LAMA2: variants seen among roughly 807,000 people sequenced by gnomAD.
The protein encoded by LAMA2 is laminin subunit alpha-2.
LAMA2 carries 269 observed loss-of-function variants against 364.8 expected under a neutral mutation model. The observed-to-expected ratio is 0.74, with a 90% CI of 0.67 to 0.82. LAMA2 has a LOEUF of 0.82. Ranked by LOEUF, LAMA2 falls within the 40% of genes least tolerant of loss-of-function variation. LAMA2 has a pLI of 0.00. For missense variants in LAMA2, 3,807 were observed against 3,873.2 expected, an observed-to-expected ratio of 0.98 and a Z score of 0.45; for synonymous variants, 1,379 against 1,370.6, an observed-to-expected ratio of 1.01 and a Z score of -0.14.
At chr6:129,445,842 G>C (rs770754669) in intron 45 of LAMA2, 21 bp downstream of exon 45, 1 of 1,599,688 alleles carries the variant, frequency 6.3e-7, no homozygotes, top group Admixed American at 1.7e-5. Flanking sequence ...TTTATCGTCA[G>C]TATCAGTAAC....
At chr6:129,310,412 T>G (rs2114487706) in intron 22 of LAMA2, among the ~76,000 whole-genome samples, 1 of 152,252 alleles carries the variant, frequency 6.6e-6, no homozygotes, top group South Asian at 2.1e-4. Context: ...GCAGCCAGAC[T>G]TGGATCTAGG....
intron 1 of LAMA2, among the ~76,000 whole-genome samples, chr6:128,957,914 A>G (rs891927224): frequency 1.6e-5 from 2 of 125,910 alleles, no homozygotes; most frequent in Non-Finnish European, 3.1e-5. Flanking sequence ...GTATTTGACT[A>G]TCAAGAAGAG....
At chr6:129,475,241 G>A in intron 52 of LAMA2, 149 bp from the exon 53 acceptor site, 1 of 554,338 alleles carries the variant, frequency 1.8e-6, no homozygotes, top group East Asian at 2.9e-5. Flanking sequence ...AGTTCTATTG[G>A]GGCTTTTGCA....
chr6:128,914,214 C>T (rs545688513), intron 1 of LAMA2, among the ~76,000 whole-genome samples: 293 of 152,242 alleles, frequency 1.9e-3, no homozygotes, highest in African/African-American at 6.9e-3. Flanking sequence ...TCACAACTCC[C>T]AAAAACCAGC....
chr6:129,041,443 A>T (rs9492206), intron 1 of LAMA2, among the ~76,000 whole-genome samples: 1 of 152,050 alleles, frequency 6.6e-6, no homozygotes, highest in Non-Finnish European at 1.5e-5. Flanking sequence ...CTTTTTGCCC[A>T]GTTCCTCTGA....
chr6:129,156,324 ATC>A (rs2114979279), intron 8 of LAMA2, among the ~76,000 whole-genome samples: 1 of 152,122 alleles, frequency 6.6e-6, no homozygotes, highest in African/African-American at 2.4e-5. Context: ...AACATAGCAT[ATC>A]TCTCCATTTA....
At chr6:129,053,425 A>T (rs904588791) in intron 2 of LAMA2, among the ~76,000 whole-genome samples, 1 of 152,120 alleles carries the variant, frequency 6.6e-6, no homozygotes, top group African/African-American at 2.4e-5. Flanking sequence ...TGGGGAGTAT[A>T]GTTGCATACC....
intron 40 of LAMA2, among the ~76,000 whole-genome samples, chr6:129,411,050 C>T (rs1164172548): frequency 6.6e-6 from 1 of 152,152 alleles, no homozygotes; most frequent in East Asian, 1.9e-4. Flanking sequence ...GGGTGATGCA[C>T]AGCAATATTG....
chr6:129,051,382 A>G (rs761963431), intron 2 of LAMA2, among the ~76,000 whole-genome samples: 1 of 149,510 alleles, frequency 6.7e-6, no homozygotes, highest in East Asian at 2.0e-4. Context: ...GTGCGATCTC[A>G]GCTCACTGCA....
chr6:129,210,415 CA>C (rs1426764253), intron 12 of LAMA2, among the ~76,000 whole-genome samples: 1 of 152,130 alleles, frequency 6.6e-6, no homozygotes, highest in East Asian at 1.9e-4. Context: ...CACACACACA[CA>C]CACACCACAC....
chr6:129,305,503 T>G (rs1315907550), intron 22 of LAMA2, among the ~76,000 whole-genome samples: 2 of 152,000 alleles, frequency 1.3e-5, no homozygotes, highest in Admixed American at 6.6e-5. Context: ...TTTTAAGTTT[T>G]TTGTAGAAAT....
chr6:129,303,649 T>A (rs1356377901), intron 22 of LAMA2, among the ~76,000 whole-genome samples: 1 of 152,220 alleles, frequency 6.6e-6, no homozygotes, highest in African/African-American at 2.4e-5. Flanking sequence ...AAATGACTTT[T>A]CTGCATCTAT....
chr6:128,921,167 C>T (rs1246715011), intron 1 of LAMA2, among the ~76,000 whole-genome samples: 2 of 152,014 alleles, frequency 1.3e-5, no homozygotes, highest in Admixed American at 6.6e-5. Flanking sequence ...AAGTATTGGA[C>T]TAAGATTATC....
chr6:129,238,303 T>C (rs1785143560), intron 12 of LAMA2, among the ~76,000 whole-genome samples: 1 of 152,194 alleles, frequency 6.6e-6, no homozygotes, highest in South Asian at 2.1e-4. Flanking sequence ...AATGTTTAAA[T>C]AAATTCTATC....
chr6:128,982,146 C>T (rs1782926980), intron 1 of LAMA2, among the ~76,000 whole-genome samples: 1 of 152,140 alleles, frequency 6.6e-6, no homozygotes, highest in Non-Finnish European at 1.5e-5. Context: ...ACCCACATTC[C>T]TAACTCATAG....
chr6:129,483,159 A>G (rs1390049193), intron 55 of LAMA2, among the ~76,000 whole-genome samples: 2 of 151,796 alleles, frequency 1.3e-5, no homozygotes, highest in Non-Finnish European at 2.9e-5. Flanking sequence ...AAAATTTAAC[A>G]GTCATTCATG....
intron 2 of LAMA2, among the ~76,000 whole-genome samples, chr6:129,051,502 G>T (rs955033469): frequency 2.7e-5 from 4 of 148,178 alleles, no homozygotes; most frequent in African/African-American, 4.9e-5. Flanking sequence ...AGTAGAAATG[G>T]GGTTTTACCA....
At chr6:129,374,398 T>A (rs7771807) in intron 34 of LAMA2, among the ~76,000 whole-genome samples, 3,354 of 152,240 alleles carry the variant, frequency 0.022, 125 homozygotes, top group African/African-American at 0.077. Flanking sequence ...CACATTGGAA[T>A]TACCAGGAGC....
At position 129,481,135 on chromosome 6, in the gene LAMA2, T is replaced by C. The variant is rs1784324768; in HGVS notation, c.7573-128T>C. 4 of 740,704 alleles carry C rather than the reference T, an allele frequency of 5.4e-6. No individual in the cohort carries two copies. In the South Asian group the frequency reaches 6.2e-5, roughly 12 times the overall value. 45.9% of individuals were successfully genotyped at this position (740,704 alleles called of 1,614,324 possible). A position where few individuals can be genotyped will look rare whatever the true frequency, so the allele number is the denominator to read the frequency against. On this transcript the variant is annotated intron_variant, in intron 54 of 64. Transcript: ENST00000421865. ...AACTGCTCTTAAACTTTCCATGTTT[T>C]CCTGCTTTCTAAACCTATGATGTAT...
Sources: gnomAD v4.1 joint callset for allele counts (sites outside exome capture counted in the v4.1 genomes callset) on GRCh38, gnomAD v4.1.1 for gene constraint, MANE v1.5 for transcripts, NCBI Gene and HGNC (gene_info 2026-07-23, HGNC 2026-07-21) for gene names.